NRCAM: variants seen among roughly 807,000 people sequenced by gnomAD.
The protein encoded by NRCAM is neuronal cell adhesion molecule.
A neutral mutation model predicts 156.5 loss-of-function variants in NRCAM; 83 were observed. That is an observed-to-expected ratio of 0.53 (90% CI 0.44 to 0.64). The LOEUF (loss-of-function observed/expected upper bound fraction) is 0.64. Ranked by LOEUF, NRCAM falls within the 30% of genes least tolerant of loss-of-function variation. The pLI is 0.00. For synonymous variants in NRCAM, 538 were observed against 563.9 expected (o/e 0.95, Z 0.65); for missense variants, 1,417 against 1,597.3 (o/e 0.89, Z 1.92).
chr7:108,255,908 G>C (rs1395208539), intron 3 of NRCAM, among the ~76,000 whole-genome samples: 1 of 150,048 alleles, frequency 6.7e-6, no homozygotes, highest in Non-Finnish European at 1.5e-5. Context: ...GCCCCGTCCG[G>C]GAGGTGGGGG....
At chr7:108,287,751 G>A (rs535886859) in intron 3 of NRCAM, among the ~76,000 whole-genome samples, 4 of 151,814 alleles carry the variant, frequency 2.6e-5, no homozygotes, top group African/African-American at 7.2e-5. Flanking sequence ...AAAAAGAAAC[G>A]CTTATACACT....
At chr7:108,348,857 C>T (rs1179139222) in intron 2 of NRCAM, among the ~76,000 whole-genome samples, 1 of 146,798 alleles carries the variant, frequency 6.8e-6, no homozygotes, top group Non-Finnish European at 1.5e-5. Flanking sequence ...GAGACGAGAT[C>T]GTGCCACTGC....
intron 3 of NRCAM, among the ~76,000 whole-genome samples, chr7:108,277,094 A>C (rs904751539): frequency 6.6e-6 from 1 of 152,240 alleles, no homozygotes; most frequent in African/African-American, 2.4e-5. Flanking sequence ...GGGTTTCTGC[A>C]GAGAGATCCG....
At chr7:108,359,114 C>T (rs779674467) in intron 2 of NRCAM, among the ~76,000 whole-genome samples, 18 of 152,104 alleles carry the variant, frequency 1.2e-4, no homozygotes, top group Non-Finnish European at 2.2e-4. Context: ...TTTCTTTTAC[C>T]AATATTCCCT....
intron 2 of NRCAM, among the ~76,000 whole-genome samples, chr7:108,398,008 T>C (rs953688523): frequency 6.6e-6 from 1 of 152,190 alleles, no homozygotes. Context: ...ATGAATAATA[T>C]TGAAGGCTTA....
intron 1 of NRCAM, among the ~76,000 whole-genome samples, chr7:108,419,791 G>A (rs745666814): frequency 6.6e-6 from 1 of 152,164 alleles, no homozygotes; most frequent in Non-Finnish European, 1.5e-5. Context: ...ATTTTCACTA[G>A]TGGATGAAAG....
At position 108,191,755 on chromosome 7, in the gene NRCAM, G is replaced by C; in HGVS notation, c.1877C>G (p.Ser626Cys). 1 of 1,613,874 alleles carries C rather than the reference G, an allele frequency of 6.2e-7. No homozygotes were observed. The highest frequency in any genetic ancestry group is 8.5e-7 in the Non-Finnish European group (1 of 1,179,824). Reference protein sequence around the residue: ...CVANTTLDSVSASAVLSVVAP... With the variant: ...CVANTTLDSVCASAVLSVVAP... ...AACAACGCTAAGCACAGCGCTGGCG[G>C]AGACGCTGTCCAGAGTGGTGTTGGC... is the stretch of plus-strand genomic sequence containing the variant. Residue 626 changes from serine to cysteine, a missense_variant, in exon 18 of 33, where the codon TCC becomes TGC. Ser to Cys is a moderately radical substitution (Grantham distance 112, BLOSUM62 -1). Around this residue, in one of 2 missense-constraint regions of NRCAM, gnomAD observed 1,238 missense variants for 1,336.4 expected, o/e 0.93. Transcript: ENST00000379028.
intron 3 of NRCAM, among the ~76,000 whole-genome samples, chr7:108,274,972 CT>C (rs1490856205): frequency 6.6e-6 from 1 of 152,002 alleles, no homozygotes; most frequent in African/African-American, 2.4e-5. Flanking sequence ...TGTTGAAGGC[CT>C]TTTCTGTATC....
chr7:108,255,323 C>G (rs1258825431), intron 3 of NRCAM, among the ~76,000 whole-genome samples: 3 of 152,180 alleles, frequency 2.0e-5, no homozygotes, highest in Admixed American at 6.5e-5. Flanking sequence ...TGCGCCGCCA[C>G]GCCTGACTCG....
chr7:108,221,663 G>T (rs2092336401), intron 11 of NRCAM, among the ~76,000 whole-genome samples: 1 of 152,078 alleles, frequency 6.6e-6, no homozygotes, highest in Non-Finnish European at 1.5e-5. Flanking sequence ...GGACACAAAG[G>T]CATAAGAATA....
intron 20 of NRCAM, among the ~76,000 whole-genome samples, chr7:108,187,138 T>C (rs780296979): frequency 1.3e-5 from 2 of 152,216 alleles, no homozygotes; most frequent in Admixed American, 6.5e-5. Context: ...GCTTCCCCTC[T>C]TGTTCTTCTA....
rs557711179 is a variant in NRCAM at position 108,149,194 on chromosome 7, T to C, written c.*716A>G. On this transcript the variant is annotated 3_prime_UTR_variant, in exon 33 of 33. Coordinates refer to ENST00000379028, the MANE Select transcript of NRCAM (RefSeq NM_001037132.4). The stretch of plus-strand genomic sequence containing the variant: ...GAAATGCACTGCAATACACATTGTT[T>C]ATGCCTAAAAACAACCGAACATAGA... 6.5e-6 allele frequency: 1 copy of C among 152,776 alleles called. No homozygotes were observed. Among genetic ancestry groups the C allele is most frequent in the East Asian group, 1.9e-4 (1 of 5,192 alleles). The allele number at this position is 152,776 out of a possible 1,614,324, so 9.5% of individuals were successfully genotyped here.
At chr7:108,238,405 T>C (rs1431392292) in intron 4 of NRCAM, among the ~76,000 whole-genome samples, 1 of 152,186 alleles carries the variant, frequency 6.6e-6, no homozygotes, top group South Asian at 2.1e-4. Flanking sequence ...AGAGAAACGA[T>C]GTAAGAAATA....
chr7:108,216,088 T>C (rs1021001215), intron 11 of NRCAM, among the ~76,000 whole-genome samples: 1 of 152,234 alleles, frequency 6.6e-6, no homozygotes, highest in East Asian at 1.9e-4. Context: ...CTTCAGGAGA[T>C]CTTGTAAGGC....
chr7:108,355,634 G>A (rs1367586627), intron 2 of NRCAM, among the ~76,000 whole-genome samples: 1 of 152,182 alleles, frequency 6.6e-6, no homozygotes, highest in Admixed American at 6.5e-5. Flanking sequence ...ATGAAACTCT[G>A]TGCTGACCTG....
chr7:108,178,191 G>A (rs1486489965), intron 25 of NRCAM, 79 bp from the exon 26 acceptor site: 18 of 1,470,988 alleles, frequency 1.2e-5, no homozygotes, highest in East Asian at 2.4e-5. Context: ...CACCGTGCTC[G>A]CACGATTCAA....
chr7:108,288,288 GATGTTCACT>G (rs1206193825), intron 3 of NRCAM, among the ~76,000 whole-genome samples: 4 of 152,004 alleles, frequency 2.6e-5, no homozygotes, highest in Non-Finnish European at 5.9e-5. Context: ...TATTGGGTAC[GATGTTCACT>G]ATTGGGGTGA....
In NRCAM at chr7:108,180,426, A is replaced by C. The variant is rs2062804458; in HGVS notation, c.2648T>G (p.Ile883Ser). 1.2e-6 allele frequency: 2 copies of C among 1,613,646 alleles called. No homozygotes were observed. Among genetic ancestry groups the C allele is most frequent in the African/African-American group, 2.7e-5 (2 of 75,060 alleles). ...SIRGHLQGYR[I>S]YYWKTQSSSK... Reference sequence around the variant, plus strand: ...TGAACTCTGGGTCTTCCAATAGTAAATCTGAAACAGCAAGAACGAAAGTCA... The same window carrying C: ...TGAACTCTGGGTCTTCCAATAGTAACTCTGAAACAGCAAGAACGAAAGTCA... The change falls in exon 25 of 33, where the codon ATT (isoleucine) becomes AGT (serine). Residue 883 changes from isoleucine (I) to serine (S), a missense_variant and splice_region_variant. Around this residue, in one of 2 missense-constraint regions of NRCAM, gnomAD observed 1,238 missense variants for 1,336.4 expected, o/e 0.93. Transcript: ENST00000379028.
intron 1 of NRCAM, among the ~76,000 whole-genome samples, chr7:108,414,469 C>T (rs1799067543): frequency 6.6e-6 from 1 of 152,124 alleles, no homozygotes; most frequent in Non-Finnish European, 1.5e-5. Context: ...CATAAACTCT[C>T]CACTCTACAT....
Sources: gnomAD v4.1 joint callset for allele counts (sites outside exome capture counted in the v4.1 genomes callset) on GRCh38, gnomAD v4.1.1 for gene constraint, gnomAD v4.1.1 regional missense constraint, MANE v1.5 for transcripts, NCBI Gene and HGNC (gene_info 2026-07-23, HGNC 2026-07-21) for gene names.